The following CDH23 variants were observed in gnomAD, a reference collection of about 807,000 sequenced individuals.
CDH23 encodes the protein cadherin-23.
CDH23 carries 189 observed loss-of-function variants against 317.1 expected under a neutral mutation model. The ratio of observed to expected loss-of-function variants is 0.60; its 90% CI spans 0.53 to 0.67. The LOEUF is 0.67. CDH23 is among the 30% of genes least tolerant of loss of function. The pLI is 0.00. For missense variants in CDH23, 4,401 were observed against 4,592.4 expected, an observed-to-expected ratio of 0.96 and a Z score of 1.20; for synonymous variants, 1,839 against 1,876.8, an observed-to-expected ratio of 0.98 and a Z score of 0.52.
intron 8 of CDH23, among the ~76,000 whole-genome samples, chr10:71,574,039 G>A (rs1265945380): frequency 6.6e-6 from 1 of 151,814 alleles, no homozygotes; most frequent in African/African-American, 2.4e-5. Context: ...CTGATTTAAC[G>A]CAGCATTCCC....
At chr10:71,683,320 A>G (rs1864733016) in intron 18 of CDH23, among the ~76,000 whole-genome samples, 1 of 152,178 alleles carries the variant, frequency 6.6e-6, no homozygotes, top group South Asian at 2.1e-4. Flanking sequence ...CTCCGGGAGG[A>G]TTAGATCAGG....
At chr10:71,581,612 G>A (rs1589231052) in intron 9 of CDH23, among the ~76,000 whole-genome samples, 1 of 152,198 alleles carries the variant, frequency 6.6e-6, no homozygotes, top group Non-Finnish European at 1.5e-5. Flanking sequence ...CTAAGTTATG[G>A]CTCCATTGCC....
At chr10:71,475,552 T>C (rs141899262) in intron 3 of CDH23, among the ~76,000 whole-genome samples, 82 of 152,294 alleles carry the variant, frequency 5.4e-4, no homozygotes, top group Non-Finnish European at 1.1e-3. Context: ...GATTTGACTA[T>C]AAATCTTCGG....
intron 11 of CDH23, among the ~76,000 whole-genome samples, chr10:71,630,640 C>T (rs1393586556): frequency 2.0e-5 from 3 of 152,188 alleles, no homozygotes; most frequent in Non-Finnish European, 2.9e-5. Context: ...TAGCTTCCAG[C>T]GTGTTACGTT....
chr10:71,488,501 C>T (rs1852475117), intron 3 of CDH23, among the ~76,000 whole-genome samples: 1 of 152,198 alleles, frequency 6.6e-6, no homozygotes, highest in African/African-American at 2.4e-5. Flanking sequence ...CATTTCATCC[C>T]TCCAAACCGA....
intron 24 of CDH23, among the ~76,000 whole-genome samples, chr10:71,704,553 G>A (rs1348399682): frequency 1.3e-5 from 2 of 152,288 alleles, no homozygotes; most frequent in Non-Finnish European, 1.5e-5. Context: ...ATAATGGTGG[G>A]GTCCTTAAGC....
At chr10:71,592,109 G>A (rs1859531879) in intron 9 of CDH23, among the ~76,000 whole-genome samples, 1 of 152,130 alleles carries the variant, frequency 6.6e-6, no homozygotes, top group Non-Finnish European at 1.5e-5. Flanking sequence ...GAAGGGTCTT[G>A]GGCCAAGCTA....
chr10:71,593,279 GA>G (rs1465749525), intron 9 of CDH23, among the ~76,000 whole-genome samples: 1 of 151,944 alleles, frequency 6.6e-6, no homozygotes, highest in Non-Finnish European at 1.5e-5. Flanking sequence ...TCACCACGTT[GA>G]AAAAAAATAA....
At chr10:71,569,757 G>A (rs1288337193) in intron 7 of CDH23, among the ~76,000 whole-genome samples, 4 of 152,164 alleles carry the variant, frequency 2.6e-5, no homozygotes, top group South Asian at 4.1e-4. Context: ...TGAAGTGCCC[G>A]GTAGAGTGGC....
chr10:71,694,104 G>A, intron 20 of CDH23, 43 bp from the exon 21 acceptor site: 1 of 1,487,320 alleles, frequency 6.7e-7, no homozygotes, highest in South Asian at 1.1e-5. Flanking sequence ...TCTCTCCCTG[G>A]CCCACCCAAA....
chr10:71,489,141 C>T (rs979349649), intron 3 of CDH23, among the ~76,000 whole-genome samples: 12 of 152,282 alleles, frequency 7.9e-5, no homozygotes, highest in East Asian at 1.9e-4. Context: ...AATTCTGGAA[C>T]GTTCTCAGCC....
intron 3 of CDH23, among the ~76,000 whole-genome samples, chr10:71,477,542 C>T (rs1225064844): frequency 6.6e-6 from 1 of 152,202 alleles, no homozygotes; most frequent in Non-Finnish European, 1.5e-5. Context: ...ATCCTTTCTT[C>T]TGGACCTCAC....
intron 61 of CDH23, 37 bp downstream of exon 61, chr10:71,810,113 G>A (rs1017453640): frequency 7.5e-6 from 12 of 1,605,492 alleles, no homozygotes; most frequent in Non-Finnish European, 9.4e-6. Flanking sequence ...GGGCAGTGGA[G>A]GGAGAAGGAA....
chr10:71,556,581 G>A (rs538837499), intron 6 of CDH23, among the ~76,000 whole-genome samples: 54 of 147,542 alleles, frequency 3.7e-4, no homozygotes, highest in African/African-American at 1.2e-3. Context: ...GCGAGACTCG[G>A]TCTCAAAAAA....
Position 71,779,293 on chromosome 10 carries a change from C to T in CDH23, c.5214C>T (p.Asn1738=), listed in dbSNP as rs767794239. The T allele has an allele frequency of 3.8e-5, 61 of 1,613,902 alleles. No homozygotes were observed. Among genetic ancestry groups the T allele is most frequent in the Non-Finnish European group, 4.7e-5 (55 of 1,179,902 alleles). ...TGCTTGTGAATGTGAATGACATCAA[C>T]GACAATGTGCCTACCTTCCCCCGGG... ...TTVLVNVNDI[N]DNVPTFPRDY... is the part of the protein sequence containing the mutation. Residue 1738 remains asparagine, a synonymous_variant, in exon 41 of 70, where the codon AAC becomes AAT. Transcript: ENST00000224721.
intron 47 of CDH23, among the ~76,000 whole-genome samples, chr10:71,791,607 C>T (rs12355842): frequency 0.032 from 4,801 of 149,290 alleles, 104 homozygotes; most frequent in Middle Eastern, 0.092. Context: ...CGGAGTTTTG[C>T]TCTTGTTGCC....
At chr10:71,728,860 C>T (rs1399403745) in intron 30 of CDH23, among the ~76,000 whole-genome samples, 1 of 152,170 alleles carries the variant, frequency 6.6e-6, no homozygotes, top group Non-Finnish European at 1.5e-5. Flanking sequence ...CATGTCACCA[C>T]CCCCGGCTAA....
At chr10:71,403,342 T>C (rs187144766) in intron 1 of CDH23, among the ~76,000 whole-genome samples, 13,865 of 66,082 alleles carry the variant, frequency 0.21, 3,122 homozygotes, top group African/African-American at 0.53. Context: ...TTTCTTTCTT[T>C]CTTTCTTTCT....
At chr10:71,540,821 A>G (rs969013301) in intron 6 of CDH23, among the ~76,000 whole-genome samples, 1 of 152,030 alleles carries the variant, frequency 6.6e-6, no homozygotes, top group Non-Finnish European at 1.5e-5. Context: ...CCAGCATGAC[A>G]TAGCCGATCA....
Sources: allele counts gnomAD v4.1 joint callset (sites outside exome capture counted in the v4.1 genomes callset), GRCh38; gene constraint gnomAD v4.1.1; transcripts MANE v1.5; gene names NCBI Gene and HGNC (gene_info 2026-07-23, HGNC 2026-07-21).